The following MAF variants were observed in gnomAD, a reference collection of about 807,000 sequenced individuals.
MAF encodes the protein transcription factor Maf.
In MAF, 10 loss-of-function variants were observed where a neutral mutation model predicts 22.0. The ratio of observed to expected loss-of-function variants is 0.45; its 90% CI spans 0.28 to 0.77. MAF has a LOEUF of 0.77. Ranked by LOEUF, MAF falls within the 30% of genes least tolerant of loss-of-function variation. The pLI is 0.12. For synonymous variants in MAF, 337 were observed against 255.8 expected, an observed-to-expected ratio of 1.32 and a Z score of -3.03; for missense variants, 544 against 548.4, an observed-to-expected ratio of 0.99 and a Z score of 0.08.
the MAF span, among the ~76,000 whole-genome samples, chr16:79,379,925 A>G: frequency 2.0e-5 from 3 of 152,204 alleles, no homozygotes; most frequent in Non-Finnish European, 4.4e-5. Context: ...CCTCAGACAC[A>G]GTTTCAGTCC....
chr16:79,229,729 A>C, the MAF span, among the ~76,000 whole-genome samples: 2 of 151,968 alleles, frequency 1.3e-5, no homozygotes, highest in Admixed American at 1.3e-4. Context: ...GCACCGAGCA[A>C]AGCGCCTGCT....
chr16:79,566,552 G>A, the MAF span, among the ~76,000 whole-genome samples: 1 of 152,216 alleles, frequency 6.6e-6, no homozygotes, highest in Non-Finnish European at 1.5e-5. Flanking sequence ...TCCTGGACAT[G>A]CATTCCTTTC....
At chr16:79,409,682 C>T in the MAF span, among the ~76,000 whole-genome samples, 1 of 152,142 alleles carries the variant, frequency 6.6e-6, no homozygotes. Flanking sequence ...GCTCAATTGC[C>T]CAGAGGGTTG....
chr16:79,431,116 G>A, the MAF span, among the ~76,000 whole-genome samples: 1 of 152,074 alleles, frequency 6.6e-6, no homozygotes, highest in South Asian at 2.1e-4. Flanking sequence ...CCACACCAGG[G>A]TACACAGCTT....
chr16:79,335,013 T>C, the MAF span, among the ~76,000 whole-genome samples: 10 of 151,698 alleles, frequency 6.6e-5, no homozygotes, highest in Admixed American at 6.6e-4. Context: ...GGTGAAACCC[T>C]GTCTCTACTA....
the MAF span, among the ~76,000 whole-genome samples, chr16:79,348,146 G>A: frequency 2.6e-5 from 4 of 152,222 alleles, no homozygotes; most frequent in African/African-American, 9.6e-5. Context: ...CCCTTTGGAT[G>A]GCCAAACGGC....
chr16:79,340,624 C>A, the MAF span, among the ~76,000 whole-genome samples: 1 of 151,846 alleles, frequency 6.6e-6, no homozygotes, highest in Non-Finnish European at 1.5e-5. Context: ...TCTCAGACAA[C>A]TTTATATGCA....
chr16:79,447,791 G>T, the MAF span, among the ~76,000 whole-genome samples: 1 of 151,018 alleles, frequency 6.6e-6, no homozygotes, highest in Non-Finnish European at 1.5e-5. Context: ...GCCTGTGGGA[G>T]GCTGAGGCAG....
rs770753092 is a variant in MAF at position 79,599,811 on chromosome 16, T to A, written c.92A>T (p.Glu31Val). The change falls in exon 1 of 2, where the codon GAA (glutamate) becomes GTA (valine). Residue 31 changes from glutamate (E) to valine (V), a missense_variant. Glu to Val is a moderately radical substitution (Grantham distance 121, BLOSUM62 -2). This residue lies in a region of MAF where 63 missense variants were observed against 72.7 expected (regional missense o/e 0.87). Transcript: ENST00000326043. Reference protein sequence around the residue: ...YVNDFDLMKFEVKKEPVETDR... With the variant: ...YVNDFDLMKFVVKKEPVETDR... The stretch of plus-strand genomic sequence containing the variant: ...GGTCTCCACCGGTTCCTTTTTCACT[T>A]CAAACTTCATCAGATCGAAGTCATT... 1.2e-6 allele frequency: 2 copies of A among 1,612,782 alleles called. No individual in the cohort carries two copies. Among genetic ancestry groups the A allele is most frequent in the Non-Finnish European group, 8.5e-7 (1 of 1,179,924 alleles).
chr16:79,353,573 T>C, the MAF span, among the ~76,000 whole-genome samples: 1 of 152,110 alleles, frequency 6.6e-6, no homozygotes, highest in Admixed American at 6.5e-5. Context: ...AGGAGCGTCA[T>C]CTGCATAGCA....
chr16:79,252,550 C>T, the MAF span, among the ~76,000 whole-genome samples: 11 of 152,004 alleles, frequency 7.2e-5, no homozygotes, highest in East Asian at 1.9e-4. Flanking sequence ...AGTGCAGTAG[C>T]GCCATCTCAG....
the MAF span, among the ~76,000 whole-genome samples, chr16:79,336,163 C>G: frequency 6.6e-6 from 1 of 152,170 alleles, no homozygotes; most frequent in African/African-American, 2.4e-5. Context: ...AGTCTGTAAG[C>G]TTCAGGTGTC....
At chr16:79,231,786 T>C in the MAF span, among the ~76,000 whole-genome samples, 1 of 152,104 alleles carries the variant, frequency 6.6e-6, no homozygotes, top group Admixed American at 6.6e-5. Context: ...GCACGTTACA[T>C]TTACGGTGAA....
At chr16:79,563,758 CACACAA>C in the MAF span, among the ~76,000 whole-genome samples, 109 of 129,742 alleles carry the variant, frequency 8.4e-4, no homozygotes, top group African/African-American at 2.8e-3. Flanking sequence ...CACACACACA[CACACAA>C]ACACACACAC....
the MAF span, among the ~76,000 whole-genome samples, chr16:79,251,817 G>A: frequency 6.6e-6 from 1 of 152,154 alleles, no homozygotes; most frequent in Non-Finnish European, 1.5e-5. Context: ...CGATTTGCCT[G>A]GGTTTAGACG....
the MAF span, among the ~76,000 whole-genome samples, chr16:79,431,014 A>G: frequency 2.4e-4 from 37 of 152,296 alleles, no homozygotes; most frequent in African/African-American, 7.5e-4. Context: ...GCTGAAATCC[A>G]TGTAGGTGAA....
the MAF span, among the ~76,000 whole-genome samples, chr16:79,343,767 A>G: frequency 6.6e-6 from 1 of 152,124 alleles, no homozygotes; most frequent in African/African-American, 2.4e-5. Flanking sequence ...AGGATGGCAG[A>G]TTTTTCTGTC....
intron 1 of MAF, chr16:79,596,570 C>T (rs370134424): frequency 1.4e-4 from 148 of 1,047,164 alleles, no homozygotes; most frequent in Non-Finnish European, 1.4e-4. Flanking sequence ...GAACAACACG[C>T]GTGGTTAGTT....
At chr16:79,304,270 C>T in the MAF span, among the ~76,000 whole-genome samples, 3 of 152,302 alleles carry the variant, frequency 2.0e-5, no homozygotes, top group South Asian at 2.1e-4. Context: ...CTCCCTCCCC[C>T]TTTCCAGGCA....
Sources: allele counts gnomAD v4.1 joint callset (sites outside exome capture counted in the v4.1 genomes callset), GRCh38; gene constraint gnomAD v4.1.1; regional missense constraint gnomAD v4.1.1; transcripts MANE v1.5; gene names NCBI Gene and HGNC (gene_info 2026-07-23, HGNC 2026-07-21).